The following TPH2 variants were observed in gnomAD, a reference collection of about 807,000 sequenced individuals.
TPH2 encodes the protein tryptophan hydroxylase 2.
In TPH2, 27 loss-of-function variants were observed where a neutral mutation model predicts 59.1. The observed-to-expected ratio is 0.46, with a 90% CI of 0.34 to 0.63. TPH2 has a LOEUF of 0.63. Among genes scored for constraint, TPH2 ranks in the 30% least tolerant of loss-of-function variants. The pLI is 0.01. For synonymous variants in TPH2, 220 were observed against 210.5 expected, an observed-to-expected ratio of 1.05 and a Z score of -0.39; for missense variants, 523 against 588.3, an observed-to-expected ratio of 0.89 and a Z score of 1.15.
chr12:71,948,792 G>T (rs1388120099), intron 4 of TPH2, among the ~76,000 whole-genome samples: 2 of 152,134 alleles, frequency 1.3e-5, no homozygotes, highest in Non-Finnish European at 2.9e-5. Context: ...AAACAACCCT[G>T]GAAAGAATTG....
Position 72,031,762 on chromosome 12 carries a change from A to G in TPH2, c.*67A>G. On this transcript the variant is annotated 3_prime_UTR_variant, in exon 11 of 11. Coordinates refer to ENST00000333850, the MANE Select transcript of TPH2 (RefSeq NM_173353.4). ...TTAGCAGCAGTTCAGTCAATGTCAT[A>G]TAACGCAAATAACCTTCTGTGTCAT... 7 of 1,571,632 alleles carry G rather than the reference A, an allele frequency of 4.5e-6. No homozygotes were observed. The South Asian group carries it at 7.8e-5, about 17-fold the overall frequency.
intron 6 of TPH2, among the ~76,000 whole-genome samples, chr12:71,973,570 T>G (rs1162061594): frequency 2.6e-5 from 4 of 152,212 alleles, no homozygotes; most frequent in African/African-American, 9.6e-5. Context: ...ATCCATTCCT[T>G]GTTTAGCATA....
chr12:72,003,153 G>A (rs973511324), intron 8 of TPH2, among the ~76,000 whole-genome samples: 6 of 152,150 alleles, frequency 3.9e-5, no homozygotes, highest in African/African-American at 1.4e-4. Flanking sequence ...CTTATGCACA[G>A]CTGTAGTTCT....
At position 72,007,104 on chromosome 12, in the gene TPH2, T is replaced by A. The variant is rs528664282; in HGVS notation, c.1068+12539T>A. ...TGAAGTGCAGACTATGCAGTTTATA[T>A]TACAAAATGGTTTTAGATGGAGATA... On this transcript the variant is annotated intron_variant, in intron 8 of 10. Coordinates refer to ENST00000333850, the MANE Select transcript of TPH2 (RefSeq NM_173353.4). Among the ~76,000 whole-genome samples, 6 of 152,286 alleles carry A rather than the reference T, an allele frequency of 3.9e-5. No individual in the cohort carries two copies. In the South Asian group the frequency reaches 8.3e-4, roughly 21 times the overall value.
chr12:72,025,465 C>A (rs1182108572), intron 9 of TPH2, among the ~76,000 whole-genome samples: 1 of 152,108 alleles, frequency 6.6e-6, no homozygotes, highest in South Asian at 2.1e-4. Context: ...CAAGTACTTC[C>A]GAGTGGTATA....
intron 9 of TPH2, among the ~76,000 whole-genome samples, chr12:72,027,789 TG>T (rs1425406431): frequency 6.6e-6 from 1 of 152,034 alleles, no homozygotes; most frequent in East Asian, 1.9e-4. Flanking sequence ...GCAGGCCCAG[TG>T]GGAAAGGCTG....
intron 5 of TPH2, chr12:71,962,804 C>T (rs1167204288): frequency 1.8e-5 from 9 of 488,408 alleles, no homozygotes; most frequent in South Asian, 1.8e-4. Flanking sequence ...CTGCAACCTC[C>T]GCCTCCTGGG....
chr12:71,972,611 A>T lies in TPH2; in HGVS notation c.701A>T (p.His234Leu). Residue 234 changes from histidine (H) to leucine (L), a missense_variant, in exon 6 of 11, where the codon CAT (histidine) becomes CTT (leucine). Transcript: ENST00000333850. ...GAGCTCTCCAAACTCTATCCCACTC[A>T]TGCTTGCCGAGAGTATTTGAAAAAC... The part of the protein sequence containing the change: ...FRELSKLYPT[H>L]ACREYLKNFP... The T allele has an allele frequency of 6.2e-7, 1 of 1,614,154 alleles. No individual in the cohort carries two copies. Among genetic ancestry groups the T allele is most frequent in the South Asian group, 1.1e-5 (1 of 91,078 alleles).
intron 6 of TPH2, among the ~76,000 whole-genome samples, chr12:71,977,113 G>A (rs530653386): frequency 1.3e-4 from 20 of 152,240 alleles, no homozygotes; most frequent in East Asian, 9.6e-4. Flanking sequence ...GTGCAGTGGC[G>A]TAAGCTCGGC....
At chr12:72,014,819 A>G (rs1873197490) in intron 8 of TPH2, among the ~76,000 whole-genome samples, 1 of 152,142 alleles carries the variant, frequency 6.6e-6, no homozygotes, top group African/African-American at 2.4e-5. Context: ...GATTGAAGAA[A>G]CAACAAAAAT....
At chr12:71,978,202 TA>T (rs757114234) in intron 6 of TPH2, among the ~76,000 whole-genome samples, 1 of 150,316 alleles carries the variant, frequency 6.7e-6, no homozygotes, top group Non-Finnish European at 1.5e-5. Context: ...AACATTTTAA[TA>T]AAATGCATAT....
intron 7 of TPH2, among the ~76,000 whole-genome samples, chr12:71,984,709 T>G (rs1457146492): frequency 1.3e-5 from 2 of 152,250 alleles, no homozygotes; most frequent in Non-Finnish European, 2.9e-5. Flanking sequence ...ATAGCACTAT[T>G]ACCATTCTTG....
At chr12:71,984,245 A>G (rs538620314) in intron 7 of TPH2, among the ~76,000 whole-genome samples, 1 of 152,362 alleles carries the variant, frequency 6.6e-6, no homozygotes, top group South Asian at 2.1e-4. Flanking sequence ...AAGGCTTTGC[A>G]GTCAGGTGAT....
chr12:71,969,891 C>G (rs1210890204), intron 5 of TPH2, among the ~76,000 whole-genome samples: 1 of 152,128 alleles, frequency 6.6e-6, no homozygotes, highest in Non-Finnish European at 1.5e-5. Flanking sequence ...CTTTCCTCAT[C>G]CATAAAATGG....
chr12:71,999,337 T>G (rs1872766177), intron 8 of TPH2, among the ~76,000 whole-genome samples: 1 of 152,242 alleles, frequency 6.6e-6, no homozygotes, highest in Non-Finnish European at 1.5e-5. Flanking sequence ...TTGATGACAA[T>G]GCTTAGAAAA....
chr12:71,984,930 T>C (rs759938327), intron 7 of TPH2, among the ~76,000 whole-genome samples: 7 of 152,176 alleles, frequency 4.6e-5, no homozygotes, highest in African/African-American at 7.2e-5. Context: ...GAAAATACTT[T>C]AATTCCTTCC....
At chr12:71,998,918 T>A (rs1008300004) in intron 8 of TPH2, among the ~76,000 whole-genome samples, 1 of 152,196 alleles carries the variant, frequency 6.6e-6, no homozygotes, top group African/African-American at 2.4e-5. Context: ...TAGGTGAGAT[T>A]TATATTATTA....
At chr12:71,985,452 G>T (rs561204219) in intron 7 of TPH2, among the ~76,000 whole-genome samples, 1 of 152,248 alleles carries the variant, frequency 6.6e-6, no homozygotes. Context: ...GGGCTGGAGG[G>T]CAGTGGTGCG....
At chr12:71,976,782 G>T (rs1484163280) in intron 6 of TPH2, among the ~76,000 whole-genome samples, 1 of 152,132 alleles carries the variant, frequency 6.6e-6, no homozygotes, top group Admixed American at 6.5e-5. Flanking sequence ...GTTGGTTCTT[G>T]CCTCTTAAGA....
Sources: gnomAD v4.1 joint callset for allele counts (sites outside exome capture counted in the v4.1 genomes callset) on GRCh38, gnomAD v4.1.1 for gene constraint, MANE v1.5 for transcripts, NCBI Gene and HGNC (gene_info 2026-07-23, HGNC 2026-07-21) for gene names.